Variants in KIAA1210 observed in about 807,000 individuals in gnomAD.
KIAA1210 encodes acrosomal protein KIAA1210.
Under a neutral mutation model 78.9 loss-of-function variants are expected in KIAA1210, and 48 were observed. That is an observed-to-expected ratio of 0.61 (90% CI 0.48 to 0.77). KIAA1210 has a LOEUF of 0.77. Among genes scored for constraint, KIAA1210 ranks in the 30% least tolerant of loss-of-function variants. The pLI, the probability that KIAA1210 is intolerant of heterozygous loss-of-function variation, is 0.00. For missense variants in KIAA1210, 1,108 were observed against 1,100.0 expected, an observed-to-expected ratio of 1.01 and a Z score of -0.10; for synonymous variants, 406 against 404.5, an observed-to-expected ratio of 1.00 and a Z score of -0.04.
chrX:119,106,599 G>A (rs1457547938), intron 5 of KIAA1210, among the ~76,000 whole-genome samples: 1 of 112,316 alleles, frequency 8.9e-6, no homozygotes, highest in Non-Finnish European at 1.9e-5. Flanking sequence ...TCAAGCCCGT[G>A]AGCAGTAAGA....
At chrX:119,123,520 A>C (rs1928528546) in intron 2 of KIAA1210, 62 bp downstream of exon 2, 1 of 832,039 alleles carries the variant, frequency 1.2e-6, no homozygotes. Flanking sequence ...TTGTCCTAGG[A>C]GCTAAATAAA....
rs747584700 is a variant in KIAA1210, at chrX:119,088,339, G to A, written c.2363C>T (p.Ser788Phe). The A allele has an allele frequency of 8.3e-7, 1 of 1,210,134 alleles. No homozygotes were observed. Among genetic ancestry groups the A allele is most frequent in the East Asian group, 3.0e-5 (1 of 33,768 alleles). ...AACAGCCATGCTCTTTGGAGATGAG[G>A]AAACTTCTTGCTCCACTTTAGGGTT... ...WVNPKVEQEV[S>F]SSPKSMAVEE... Residue 788 changes from serine to phenylalanine, a missense_variant, in exon 9 of 12, where the codon TCC becomes TTC. Physicochemically the swap from Ser to Phe is radical, Grantham distance 155. Coordinates refer to ENST00000691062, the MANE Select transcript of KIAA1210 (RefSeq NM_001394962.1).
At chrX:119,131,533 G>T (rs760798846), upstream of KIAA1210, among the ~76,000 whole-genome samples, 7 of 111,915 alleles carry the variant, frequency 6.3e-5, no homozygotes, top group Non-Finnish European at 1.1e-4. Context: ...ACCTACCCAT[G>T]TACCCCCGAA....
intron 1 of KIAA1210, chrX:119,147,678 G>C (rs1929200564): frequency 2.0e-6 from 2 of 978,488 alleles, no homozygotes; most frequent in African/African-American, 3.8e-5. Context: ...GCTAGCCCTG[G>C]GCCACAAGAT....
chrX:119,084,778 CT>C (rs1322168561), intron 10 of KIAA1210, among the ~76,000 whole-genome samples: 2 of 112,304 alleles, frequency 1.8e-5, no homozygotes, highest in Non-Finnish European at 3.8e-5. Context: ...AATAAAATGA[CT>C]TACTCCTTAT....
At chrX:119,093,885 T>C (rs1927469314) in intron 7 of KIAA1210, 110 bp from the exon 8 acceptor site, 1 of 867,096 alleles carries the variant, frequency 1.2e-6, no homozygotes, top group African/African-American at 2.0e-5. Flanking sequence ...GCTGGGCACG[T>C]AACAGTACCT....
chrX:119,095,524 G>T (rs1927523845), intron 7 of KIAA1210, among the ~76,000 whole-genome samples: 1 of 111,299 alleles, frequency 9.0e-6, no homozygotes, highest in Non-Finnish European at 1.9e-5. Flanking sequence ...GAGTAGCTGG[G>T]ATTACAGGGA....
In KIAA1210 at chrX:119,080,268, G is replaced by T. The variant is rs1603263953; in HGVS notation, c.*1061C>A. On this transcript the variant is annotated 3_prime_UTR_variant, in exon 12 of 12. Coordinates refer to ENST00000691062, the MANE Select transcript of KIAA1210 (RefSeq NM_001394962.1). The stretch of plus-strand genomic sequence containing the variant: ...GCGTCATAGGGAGGTGCTCGCTACA[G>T]CCAGGCCTGTGACAGGTCGACGTGG... The T allele has an allele frequency of 9.0e-6, 1 of 111,722 alleles. No homozygotes were observed. The highest frequency in any genetic ancestry group is 1.9e-5 in the Non-Finnish European group (1 of 53,137). 9.2% of individuals were successfully genotyped at this position (111,722 alleles called of 1,213,427 possible).
In KIAA1210 at chrX:119,089,544, T is replaced by C. The variant is rs1160509517; in HGVS notation, c.1158A>G (p.Glu386=). The change falls in exon 9 of 12, where the codon GAA becomes GAG. Residue 386 remains glutamate, a synonymous_variant. Transcript: ENST00000691062. ...FKGRSLKQSS[E]GYGLGDRAGS... The stretch of plus-strand genomic sequence containing the variant: ...CAGCTCTATCGCCCAGGCCATACCC[T>C]TCACTGGATTGTTTAAGGCTTCTTC... 3 of 1,211,478 alleles carry C rather than the reference T, an allele frequency of 2.5e-6. No homozygotes were observed. The highest frequency in any genetic ancestry group is 3.4e-6 in the Non-Finnish European group (3 of 895,314).
chrX:119,121,307 G>A (rs1279805242), intron 2 of KIAA1210, among the ~76,000 whole-genome samples: 2 of 111,475 alleles, frequency 1.8e-5, no homozygotes, highest in Non-Finnish European at 3.8e-5. Flanking sequence ...CAGCAGGTAT[G>A]GGTAAAAACT....
At chrX:119,105,802 G>T (rs1927875432) in intron 5 of KIAA1210, among the ~76,000 whole-genome samples, 2 of 111,922 alleles carry the variant, frequency 1.8e-5, no homozygotes, top group African/African-American at 6.5e-5. Context: ...AGACAATTTA[G>T]TTGATTCCAT....
chrX:119,108,606 T>C, intron 4 of KIAA1210, 135 bp from the exon 5 acceptor site: 2 of 791,853 alleles, frequency 2.5e-6, no homozygotes. Flanking sequence ...GGCTCGCGCA[T>C]GTAATCCCAG....
In KIAA1210 at chrX:119,091,789, C is replaced by T. The variant is rs763964087; in HGVS notation, c.955+1878G>A. ...AAGAATGAAATAATGTCTTTTGTAG[C>T]AACCTGGATGAAACTGGAGGCCAAT... is the stretch of plus-strand genomic sequence containing the variant. On this transcript the variant is annotated intron_variant, in intron 8 of 11. Transcript: ENST00000691062. Among the ~76,000 whole-genome samples the T allele has an allele frequency of 4.5e-5, 5 of 112,042 alleles. No individual in the cohort carries two copies. In the South Asian group the frequency reaches 1.5e-3, roughly 34 times the overall value.
rs372849371 is a variant in KIAA1210, at chrX:119,092,589, C to A, written c.955+1078G>T. 3.7e-3 allele frequency among the ~76,000 whole-genome samples: 408 copies of A among 109,946 alleles called. 4 individuals carry two copies. The highest frequency in any genetic ancestry group is 0.012 in the African/African-American group (368 of 30,218). ...ATCCTGGCTAACACGGTGAAACTCC[C>A]TCTCTACTAAAAATACAAAAAATTA... On this transcript the variant is annotated intron_variant, in intron 8 of 11. Coordinates refer to ENST00000691062, the MANE Select transcript of KIAA1210 (RefSeq NM_001394962.1).
chrX:119,093,119 G>A (rs1309440350), intron 8 of KIAA1210, among the ~76,000 whole-genome samples: 2 of 112,295 alleles, frequency 1.8e-5, no homozygotes, highest in Non-Finnish European at 3.8e-5. Flanking sequence ...GGATTTGATA[G>A]GTGTTGGCTG....
At chrX:119,106,530 TA>T (rs1927898698) in intron 5 of KIAA1210, among the ~76,000 whole-genome samples, 1 of 111,794 alleles carries the variant, frequency 8.9e-6, no homozygotes, top group Non-Finnish European at 1.9e-5. Context: ...TCAAGACGTT[TA>T]AAGGCAACAA....
intron 2 of KIAA1210, among the ~76,000 whole-genome samples, chrX:119,145,917 C>T (rs1409798421): frequency 1.8e-5 from 2 of 111,807 alleles, no homozygotes; most frequent in Non-Finnish European, 3.8e-5. Context: ...GGATTCATTC[C>T]TCAAATTTGC....
chrX:119,094,644 G>A (rs900209253), intron 7 of KIAA1210, among the ~76,000 whole-genome samples: 3 of 112,030 alleles, frequency 2.7e-5, no homozygotes, highest in East Asian at 5.6e-4. Flanking sequence ...ATAAATAAGG[G>A]ACCAGGAGAA....
chrX:119,142,774 CAAA>C (rs11439597), intron 2 of KIAA1210, among the ~76,000 whole-genome samples: 128 of 38,799 alleles, frequency 3.3e-3, no homozygotes, highest in African/African-American at 0.013. Context: ...GACTCCATCT[CAAA>C]AAAAAAAAAA....
Sources: gnomAD v4.1 joint callset for allele counts (sites outside exome capture counted in the v4.1 genomes callset) on GRCh38, gnomAD v4.1.1 for gene constraint, MANE v1.5 for transcripts, NCBI Gene and HGNC (gene_info 2026-07-23, HGNC 2026-07-21) for gene names.